Variants in NOX3 observed in about 807,000 individuals in gnomAD.
NOX3 encodes the protein NADPH oxidase 3.
Under a neutral mutation model 76.7 loss-of-function variants are expected in NOX3, and 74 were observed. The observed-to-expected ratio is 0.96, with a 90% confidence interval of 0.80 to 1.17. NOX3 has a LOEUF of 1.17. Ranked by LOEUF, NOX3 falls within the 50% of genes most tolerant of loss-of-function variation. The probability of loss-of-function intolerance (pLI) is 0.00; values close to 1 mark genes in which losing one functional copy is unlikely to be tolerated. For missense variants in NOX3, 695 were observed against 703.3 expected (o/e 0.99, Z 0.13); for synonymous variants, 263 against 261.1 (o/e 1.01, Z -0.07).
Position 155,396,947 on chromosome 6 carries a change from C to A in NOX3, c.1596G>T (p.Val532=), listed in dbSNP as rs1276337590. The A allele has an allele frequency of 6.2e-7, 1 of 1,609,922 alleles. No individual in the cohort carries two copies. Among genetic ancestry groups the A allele is most frequent in the African/African-American group, 1.3e-5 (1 of 74,718 alleles). The part of the protein sequence containing the change: ...AYNHPSSSIG[V]FFCGPKALSR... ...AGAGAGCTTTAGGTCCACAGAAGAA[C>A]ACGCCAATACTGCTGCTGCAGTAGG... The change falls in exon 13 of 14, where the codon GTG becomes GTT. Residue 532 remains valine (V), a synonymous_variant. Transcript: ENST00000159060.
chr6:155,419,263 A>C (rs1776659014), intron 10 of NOX3, among the ~76,000 whole-genome samples: 1 of 152,266 alleles, frequency 6.6e-6, no homozygotes, highest in Non-Finnish European at 1.5e-5. Context: ...CAGACGCTTA[A>C]GGAATTGGAT....
At chr6:155,442,355 T>C (rs1171486069) in intron 5 of NOX3, among the ~76,000 whole-genome samples, 2 of 152,188 alleles carry the variant, frequency 1.3e-5, no homozygotes, top group Non-Finnish European at 2.9e-5. Flanking sequence ...TATCTTAGGC[T>C]AATTAGGGGA....
intron 4 of NOX3, among the ~76,000 whole-genome samples, chr6:155,443,651 T>G (rs1246571555): frequency 2.0e-5 from 3 of 152,200 alleles, no homozygotes; most frequent in Non-Finnish European, 4.4e-5. Flanking sequence ...ATAAATAAAG[T>G]AAATCTCAGT....
chr6:155,401,781 C>A (rs561609241), intron 12 of NOX3, among the ~76,000 whole-genome samples: 8 of 124,900 alleles, frequency 6.4e-5, no homozygotes, highest in Non-Finnish European at 1.1e-4. Context: ...AATACGTCTA[C>A]TGAAATTACA....
chr6:155,423,129 ATG>A (rs942541210), intron 9 of NOX3, among the ~76,000 whole-genome samples: 1 of 152,210 alleles, frequency 6.6e-6, no homozygotes, highest in Admixed American at 6.5e-5. Flanking sequence ...GGCCTCGTCC[ATG>A]TGGCATGCTC....
intron 13 of NOX3, among the ~76,000 whole-genome samples, chr6:155,396,031 A>G (rs1293610945): frequency 2.6e-5 from 4 of 152,220 alleles, no homozygotes; most frequent in Non-Finnish European, 4.4e-5. Flanking sequence ...TCTTTTGCTC[A>G]ATACTAGTCA....
At chr6:155,427,053 G>A (rs1160128778) in intron 9 of NOX3, among the ~76,000 whole-genome samples, 1 of 131,774 alleles carries the variant, frequency 7.6e-6, no homozygotes. Flanking sequence ...TGAGGGTGGG[G>A]GTGCTGTGCA....
chr6:155,452,200 A>C (rs563040150), intron 4 of NOX3, among the ~76,000 whole-genome samples: 2 of 152,168 alleles, frequency 1.3e-5, no homozygotes, highest in East Asian at 3.9e-4. Flanking sequence ...TTCTTAGGGG[A>C]GCTTCATTCT....
intron 10 of NOX3, among the ~76,000 whole-genome samples, chr6:155,414,143 G>GA (rs1776593040): frequency 6.6e-6 from 1 of 152,130 alleles, no homozygotes; most frequent in African/African-American, 2.4e-5. Flanking sequence ...GGCTATGGAG[G>GA]AAAAATGGAT....
At chr6:155,418,262 G>A (rs953111842) in intron 10 of NOX3, among the ~76,000 whole-genome samples, 1 of 152,024 alleles carries the variant, frequency 6.6e-6, no homozygotes, top group Admixed American at 6.6e-5. Context: ...TGAGTGTGAT[G>A]TAGAATTAAT....
intron 7 of NOX3, among the ~76,000 whole-genome samples, chr6:155,436,044 G>T (rs1426925673): frequency 6.6e-6 from 1 of 152,196 alleles, no homozygotes; most frequent in Non-Finnish European, 1.5e-5. Context: ...TTGAGCAGGG[G>T]TGCCAGTAAT....
chr6:155,452,327 C>T (rs1471983643), intron 4 of NOX3, among the ~76,000 whole-genome samples: 3 of 152,182 alleles, frequency 2.0e-5, no homozygotes, highest in South Asian at 4.1e-4. Flanking sequence ...TTGGTGCCTA[C>T]GCATACTCAG....
rs761486579 is a variant in NOX3, at chr6:155,455,006, A to G, written c.144+28T>C. On this transcript the variant is annotated intron_variant, in intron 2 of 13. Coordinates refer to ENST00000159060, the MANE Select transcript of NOX3 (RefSeq NM_015718.3). Reference sequence around the variant, plus strand: ...AAAATGCATTTTGTTTTCTGAAAAAATAATGTTTAATCATAAACTGTACTT... The same window carrying G: ...AAAATGCATTTTGTTTTCTGAAAAAGTAATGTTTAATCATAAACTGTACTT... 13 of 1,581,296 alleles carry G rather than the reference A, an allele frequency of 8.2e-6. No homozygotes were observed. The Middle Eastern group carries it at 6.7e-4, about 81-fold the overall frequency.
Position 155,405,843 on chromosome 6 carries a change from G to A in NOX3, c.1580+1287C>T, listed in dbSNP as rs536529229. On this transcript the variant is annotated intron_variant, in intron 12 of 13. Transcript: ENST00000159060. ...TCCACCTCTGTCCCAGGCCCCTCAC[G>A]TTCCATTCTCTTGCAGAGTGATCCC... is the stretch of plus-strand genomic sequence containing the variant. 2.0e-5 allele frequency among the ~76,000 whole-genome samples: 3 copies of A among 152,226 alleles called. No homozygotes were observed. The East Asian group carries it at 5.8e-4, about 29-fold the overall frequency.
intron 12 of NOX3, among the ~76,000 whole-genome samples, chr6:155,400,274 T>G (rs1274487173): frequency 6.6e-6 from 1 of 152,226 alleles, no homozygotes; most frequent in Non-Finnish European, 1.5e-5. Flanking sequence ...AATTCCCAGG[T>G]TCTGCTGCCG....
chr6:155,399,775 C>T (rs187600154), intron 12 of NOX3, among the ~76,000 whole-genome samples: 1 of 151,974 alleles, frequency 6.6e-6, no homozygotes, highest in East Asian at 1.9e-4. Context: ...TGCAACAGAA[C>T]CCTAATGGGG....
chr6:155,403,311 C>G (rs1298185253), intron 12 of NOX3, among the ~76,000 whole-genome samples: 4 of 152,116 alleles, frequency 2.6e-5, no homozygotes, highest in African/African-American at 9.7e-5. Context: ...AGCTTTTGAC[C>G]GAAGGCTTGT....
chr6:155,440,481 A>AT lies in NOX3; in HGVS notation c.487-345dup, dbSNP rs1172515360. Among the ~76,000 whole-genome samples the AT allele has an allele frequency of 5.3e-5, 8 of 151,246 alleles. No homozygotes were observed. In the South Asian group the frequency reaches 8.4e-4, roughly 16 times the overall value. ...CTGGAAAAAAAACCCACATAAATAA[A>AT]TTAAAAAAAAAAAGCTGGGCATGGT... is the stretch of plus-strand genomic sequence containing the variant. On this transcript the variant is annotated intron_variant, in intron 5 of 13. Coordinates refer to ENST00000159060, the MANE Select transcript of NOX3 (RefSeq NM_015718.3).
Position 155,407,300 on chromosome 6 carries a change from A to T in NOX3, c.1456-46T>A, listed in dbSNP as rs751231634. On this transcript the variant is annotated intron_variant, in intron 11 of 13. Transcript: ENST00000159060. Reference sequence around the variant, plus strand: ...TAGATGACATTTAGAAAAAAAAAATAAGACTTCTATAAATAAAGAATAAAG... The same window carrying T: ...TAGATGACATTTAGAAAAAAAAAATTAGACTTCTATAAATAAAGAATAAAG... 73 of 1,500,056 alleles carry T rather than the reference A, an allele frequency of 4.9e-5. 2 individuals carry two copies. The South Asian group carries it at 8.5e-4, about 17-fold the overall frequency. 92.9% of individuals were successfully genotyped at this position (1,500,056 alleles called of 1,614,324 possible). A position where few individuals can be genotyped will look rare whatever the true frequency, so the allele number is the denominator to read the frequency against.
Sources: allele counts gnomAD v4.1 joint callset (sites outside exome capture counted in the v4.1 genomes callset), GRCh38; gene constraint gnomAD v4.1.1; transcripts MANE v1.5; gene names NCBI Gene and HGNC (gene_info 2026-07-23, HGNC 2026-07-21).